FNTB: variants seen among roughly 807,000 people sequenced by gnomAD.
FNTB encodes protein farnesyltransferase subunit beta.
A neutral mutation model predicts 59.4 loss-of-function variants in FNTB; 27 were observed. That is an observed-to-expected ratio of 0.45 (90% CI 0.34 to 0.63). FNTB has a LOEUF of 0.63. Ranked by LOEUF, FNTB falls within the 20% of genes least tolerant of loss-of-function variation. The pLI, the probability that FNTB is intolerant of heterozygous loss-of-function variation, is 0.02. For synonymous variants in FNTB, 230 were observed against 220.7 expected, an observed-to-expected ratio of 1.04 and a Z score of -0.37; for missense variants, 449 against 559.6, an observed-to-expected ratio of 0.80 and a Z score of 1.99.
chr14:65,005,445 T>C (rs2061564893), intron 2 of FNTB, among the ~76,000 whole-genome samples: 1 of 149,094 alleles, frequency 6.7e-6, no homozygotes, highest in African/African-American at 2.5e-5. Context: ...TTTCTCTTCC[T>C]TTCTTTTCTT....
At chr14:65,017,920 A>G (rs1272105103) in intron 4 of FNTB, among the ~76,000 whole-genome samples, 2 of 152,140 alleles carry the variant, frequency 1.3e-5, no homozygotes, top group African/African-American at 4.8e-5. Flanking sequence ...GCGCCTTTGC[A>G]CTCCAGTCCG....
At chr14:65,006,090 G>C (rs752575437) in intron 2 of FNTB, 1 of 1,548,498 alleles carries the variant, frequency 6.5e-7, no homozygotes, top group Non-Finnish European at 8.7e-7. Context: ...TAGCAAGTCA[G>C]TCTCTAGGTA....
Position 65,023,601 on chromosome 14 carries a change from T to A in FNTB, c.375-3852T>A, listed in dbSNP as rs2061926278. 6.6e-6 allele frequency among the ~76,000 whole-genome samples: 1 copy of A among 152,168 alleles called. No individual in the cohort carries two copies. The highest frequency in any genetic ancestry group is 6.5e-5 in the Admixed American group (1 of 15,272). ...ATAAACATCTATACGTGTTCTATAT[T>A]GGCCACTAGCCACAGTTAGTTGTGG... On this transcript the variant is annotated intron_variant, in intron 4 of 11. Coordinates refer to ENST00000246166, the MANE Select transcript of FNTB (RefSeq NM_002028.4). This position sits in a 1 kb window ranked among gnomAD's most constrained non-coding sequence, Gnocchi z 4.1.
At chr14:65,003,241 T>G (rs2061539578) in intron 1 of FNTB, 1 of 152,220 alleles carries the variant, frequency 6.6e-6, no homozygotes, top group Non-Finnish European at 1.5e-5. Flanking sequence ...TTTGTTTTGG[T>G]GTTTCAACAA....
chr14:65,005,072 G>A (rs1244518932), intron 2 of FNTB, among the ~76,000 whole-genome samples: 2 of 152,212 alleles, frequency 1.3e-5, no homozygotes, highest in Non-Finnish European at 2.9e-5. Context: ...GTTTCTCCAT[G>A]CCTACTCCCT....
In FNTB at chr14:65,004,402, C is replaced by T. The variant is rs1020764866; in HGVS notation, c.209+89C>T. ...TTTCCTCCTTGAGCGAATCTAACCACGGGGAGCATCTGCTGCAAGAATGGT... is the reference window on the plus strand; with the variant it reads ...TTTCCTCCTTGAGCGAATCTAACCATGGGGAGCATCTGCTGCAAGAATGGT... On this transcript the variant is annotated intron_variant, in intron 2 of 11. Coordinates refer to ENST00000246166, the MANE Select transcript of FNTB (RefSeq NM_002028.4). 46 of 1,345,166 alleles carry T rather than the reference C, an allele frequency of 3.4e-5. 1 individual carries two copies. Among genetic ancestry groups the T allele is most frequent in the South Asian group, 1.6e-4 (12 of 74,246 alleles). The allele number at this position is 1,345,166 out of a possible 1,614,324, so 83.3% of individuals were successfully genotyped here.
intron 4 of FNTB, among the ~76,000 whole-genome samples, chr14:65,025,447 A>G (rs542789629): frequency 4.3e-4 from 65 of 152,332 alleles, no homozygotes; most frequent in Admixed American, 1.9e-3. Context: ...TTTCTGGGAA[A>G]TGTCATAAGA....
intron 1 of FNTB, among the ~76,000 whole-genome samples, chr14:65,002,137 G>T (rs1373055280): frequency 6.6e-6 from 1 of 151,992 alleles, no homozygotes; most frequent in Non-Finnish European, 1.5e-5. Flanking sequence ...AGATTTTTAT[G>T]TATCTTGAAA....
chr14:65,054,057 GA>G lies in FNTB; in HGVS notation c.1068-510del, dbSNP rs1202901706. Among the ~76,000 whole-genome samples, 1 of 151,876 alleles carries G rather than the reference GA, an allele frequency of 6.6e-6. No homozygotes were observed. On this transcript the variant is annotated intron_variant, in intron 10 of 11. Coordinates refer to ENST00000246166, the MANE Select transcript of FNTB (RefSeq NM_002028.4). This position sits in a 1 kb window ranked among gnomAD's most constrained non-coding sequence, Gnocchi z 4.4. ...GTTTAAGGTAAAAAAAGAAAGAAAA[GA>G]AAAAAAATACAGTTCCCACTGCTGG... is the stretch of plus-strand genomic sequence containing the variant.
rs2139627832 is a variant in FNTB at position 65,041,001 on chromosome 14, A to G, written c.822+82A>G. The G allele has an allele frequency of 7.7e-6, 12 of 1,560,256 alleles. No individual in the cohort carries two copies. In the South Asian group the frequency reaches 1.4e-4, roughly 18 times the overall value. On this transcript the variant is annotated intron_variant, in intron 8 of 11. Coordinates refer to ENST00000246166, the MANE Select transcript of FNTB (RefSeq NM_002028.4). ...TACTCAGACATGCAGGCTTCAGGAG[A>G]GTTTGGCTATGGGAAGGGCTAAGAG...
At position 65,030,971 on chromosome 14, in the gene FNTB, C is replaced by T. The variant is rs111273523; in HGVS notation, c.606-1639C>T. 2.2e-3 allele frequency among the ~76,000 whole-genome samples: 336 copies of T among 152,128 alleles called. 2 individuals carry two copies. Among genetic ancestry groups the T allele is most frequent in the African/African-American group, 7.6e-3 (317 of 41,502 alleles). Reference sequence around the variant, plus strand: ...TACAGGCGTGTGCCACCATGCCCAGCTAATTTTTGTATTTTTAGTAGAGAC... The same window carrying T: ...TACAGGCGTGTGCCACCATGCCCAGTTAATTTTTGTATTTTTAGTAGAGAC... On this transcript the variant is annotated intron_variant, in intron 6 of 11. Coordinates refer to ENST00000246166, the MANE Select transcript of FNTB (RefSeq NM_002028.4). The surrounding 1 kb of genome is among the most constrained non-coding windows in gnomAD (Gnocchi z 4.5).
At chr14:64,998,110 T>C (rs1436557490) in intron 1 of FNTB, among the ~76,000 whole-genome samples, 1 of 152,234 alleles carries the variant, frequency 6.6e-6, no homozygotes, top group African/African-American at 2.4e-5. Context: ...TTGTTTATCC[T>C]TTACTAGTTG....
intron 8 of FNTB, among the ~76,000 whole-genome samples, chr14:65,042,200 G>T (rs554907079): frequency 6.6e-6 from 1 of 152,148 alleles, no homozygotes; most frequent in Admixed American, 6.5e-5. Context: ...GGGGTGGGAC[G>T]GGGGGTGATG....
chr14:64,987,079 A>G lies in FNTB; in HGVS notation c.126A>G (p.Thr42=). ...RERLQDDSVE[T]VTSIEQAKVE... is the part of the protein sequence containing the mutation. ...GGTTGCAGGACGACTCGGTGGAAAC[A>G]GTCACGTCCATAGAACAGGTGAGGT... is the stretch of plus-strand genomic sequence containing the variant. The change falls in exon 1 of 12, where the codon ACA becomes ACG. Residue 42 remains threonine, a synonymous_variant. Transcript: ENST00000246166. The G allele has an allele frequency of 6.2e-7, 1 of 1,614,216 alleles. No individual in the cohort carries two copies. Among genetic ancestry groups the G allele is most frequent in the Non-Finnish European group, 8.5e-7 (1 of 1,180,040 alleles).
At chr14:65,058,122 T>TC (rs1280082091) in intron 11 of FNTB, among the ~76,000 whole-genome samples, 2 of 151,236 alleles carry the variant, frequency 1.3e-5, no homozygotes, top group African/African-American at 2.5e-5. Context: ...TTTTTTTTTT[T>TC]CTTCCTGTCT....
intron 4 of FNTB, chr14:65,022,119 G>C (rs548776583): frequency 8.8e-6 from 4 of 454,804 alleles, no homozygotes; most frequent in East Asian, 7.0e-5. Flanking sequence ...ATTCTACCTA[G>C]GGAAGGAGAT....
At chr14:65,025,995 T>C (rs1193495154) in intron 4 of FNTB, among the ~76,000 whole-genome samples, 2 of 152,166 alleles carry the variant, frequency 1.3e-5, no homozygotes, top group African/African-American at 2.4e-5. Flanking sequence ...GCCCGGATAA[T>C]GGGAACTCTG....
chr14:65,056,439 C>G (rs1014666808), intron 11 of FNTB, among the ~76,000 whole-genome samples: 1 of 152,188 alleles, frequency 6.6e-6, no homozygotes, highest in African/African-American at 2.4e-5. Flanking sequence ...ATATTGTCAT[C>G]TTTGATAGAT....
At chr14:64,987,213 C>T (rs1348767847) in intron 1 of FNTB, 116 bp downstream of exon 1, 4 of 1,259,460 alleles carry the variant, frequency 3.2e-6, no homozygotes, top group African/African-American at 1.5e-5. Flanking sequence ...CCACAGCGCA[C>T]CGCGGTGCCT....
Sources: allele counts gnomAD v4.1 joint callset (sites outside exome capture counted in the v4.1 genomes callset), GRCh38; gene constraint gnomAD v4.1.1; non-coding constraint Gnocchi (gnomAD v3.1); transcripts MANE v1.5; gene names NCBI Gene and HGNC (gene_info 2026-07-23, HGNC 2026-07-21).